AOPEP: variants seen among roughly 807,000 people sequenced by gnomAD.
The protein encoded by AOPEP is aminopeptidase O.
AOPEP carries 77 observed loss-of-function variants against 98.1 expected under a neutral mutation model. The ratio of observed to expected loss-of-function variants is 0.78; its 90% CI spans 0.65 to 0.95. The LOEUF is 0.95. AOPEP is among the 40% of genes least tolerant of loss of function. The pLI is 0.00. For synonymous variants in AOPEP, 346 were observed against 365.3 expected, an observed-to-expected ratio of 0.95 and a Z score of 0.60; for missense variants, 1,024 against 1,024.7, an observed-to-expected ratio of 1.00 and a Z score of 0.01.
At chr9:95,075,268 T>C (rs981924072) in intron 14 of AOPEP, among the ~76,000 whole-genome samples, 3 of 152,188 alleles carry the variant, frequency 2.0e-5, no homozygotes, top group African/African-American at 7.2e-5. Context: ...ATATTGACAA[T>C]AGAAATATAA....
chr9:95,104,189 C>T, the AOPEP span, among the ~76,000 whole-genome samples: 1 of 152,184 alleles, frequency 6.6e-6, no homozygotes, highest in Non-Finnish European at 1.5e-5. Flanking sequence ...AGAGGCCCTC[C>T]CTGCCACGCG....
At chr9:95,122,791 G>A in the AOPEP span, among the ~76,000 whole-genome samples, 3,445 of 152,296 alleles carry the variant, frequency 0.023, 141 homozygotes, top group African/African-American at 0.079. Context: ...GGCCACAGGT[G>A]AGACTCCCCA....
At chr9:94,909,493 C>T (rs1479390827) in intron 5 of AOPEP, among the ~76,000 whole-genome samples, 1 of 151,630 alleles carries the variant, frequency 6.6e-6, no homozygotes, top group Non-Finnish European at 1.5e-5. Context: ...TGTTATTTTC[C>T]TCTCACATGA....
At chr9:95,143,718 G>A in the AOPEP span, among the ~76,000 whole-genome samples, 1 of 152,046 alleles carries the variant, frequency 6.6e-6, no homozygotes, top group Non-Finnish European at 1.5e-5. Context: ...CAGTGGATTC[G>A]GATGACCTCA....
the AOPEP span, among the ~76,000 whole-genome samples, chr9:95,119,578 A>C: frequency 2.6e-5 from 4 of 151,948 alleles, no homozygotes; most frequent in African/African-American, 9.7e-5. Flanking sequence ...GTTGGCCAGG[A>C]TGGTCTTGAT....
At chr9:94,800,398 T>G (rs1404258447) in intron 4 of AOPEP, among the ~76,000 whole-genome samples, 1 of 152,208 alleles carries the variant, frequency 6.6e-6, no homozygotes, top group African/African-American at 2.4e-5. Context: ...GTTCATATGG[T>G]GATACTTGAA....
intron 5 of AOPEP, among the ~76,000 whole-genome samples, chr9:94,889,642 C>T (rs541438327): frequency 2.2e-4 from 34 of 152,100 alleles, no homozygotes; most frequent in Admixed American, 4.6e-4. Flanking sequence ...TGTGAGCCAC[C>T]GCACCTGGTC....
rs539758680 is a variant in AOPEP, at chr9:94,832,409, A to G, written c.1364+31407A>G. On this transcript the variant is annotated intron_variant, in intron 5 of 16. Coordinates refer to ENST00000375315, the MANE Select transcript of AOPEP (RefSeq NM_001193329.3). ...AGGTTGGCAGACATCCAAGAGTTTGACAACGTACTCTCTTGGAGTTGCAGG... is the reference window on the plus strand; with the variant it reads ...AGGTTGGCAGACATCCAAGAGTTTGGCAACGTACTCTCTTGGAGTTGCAGG... Among the ~76,000 whole-genome samples the G allele has an allele frequency of 9.6e-4, 147 of 152,350 alleles. 1 individual carries two copies. The South Asian group carries it at 0.03, about 31-fold the overall frequency.
At chr9:94,853,967 G>T (rs751527816) in intron 5 of AOPEP, among the ~76,000 whole-genome samples, 2 of 152,142 alleles carry the variant, frequency 1.3e-5, no homozygotes, top group African/African-American at 4.8e-5. Context: ...TAGCACATGC[G>T]CAGCACTTAT....
At chr9:95,014,643 A>C (rs902039823) in intron 13 of AOPEP, among the ~76,000 whole-genome samples, 2 of 152,084 alleles carry the variant, frequency 1.3e-5, no homozygotes, top group South Asian at 2.1e-4. Flanking sequence ...CTCTGCATCT[A>C]CTCATGGAGG....
At chr9:94,821,660 C>T (rs890944758) in intron 5 of AOPEP, among the ~76,000 whole-genome samples, 1 of 152,132 alleles carries the variant, frequency 6.6e-6, no homozygotes, top group South Asian at 2.1e-4. Context: ...CATCCGTATG[C>T]CCCTGACATG....
At chr9:94,736,466 T>A (rs934009125) in intron 1 of AOPEP, among the ~76,000 whole-genome samples, 3 of 152,224 alleles carry the variant, frequency 2.0e-5, no homozygotes, top group Admixed American at 6.5e-5. Context: ...TTTTCTTTTC[T>A]TTTCCAATCT....
chr9:94,907,742 G>A (rs533873879), intron 5 of AOPEP, among the ~76,000 whole-genome samples: 10 of 152,204 alleles, frequency 6.6e-5, no homozygotes, highest in African/African-American at 2.4e-4. Flanking sequence ...AGAATTCGAG[G>A]CATGTCCCTC....
At chr9:95,120,904 T>A in the AOPEP span, among the ~76,000 whole-genome samples, 2 of 152,186 alleles carry the variant, frequency 1.3e-5, no homozygotes, top group Admixed American at 6.5e-5. Flanking sequence ...CTTACACTTC[T>A]ATTTTTTGGC....
intron 13 of AOPEP, among the ~76,000 whole-genome samples, chr9:95,036,121 C>T (rs1232427017): frequency 6.6e-6 from 1 of 152,100 alleles, no homozygotes. Flanking sequence ...AATTTTTGTC[C>T]TGTTTAAAGG....
At chr9:94,787,612 T>C (rs892742635) in intron 3 of AOPEP, among the ~76,000 whole-genome samples, 1 of 152,236 alleles carries the variant, frequency 6.6e-6, no homozygotes, top group African/African-American at 2.4e-5. Flanking sequence ...CTGCTCCTTA[T>C]CTCTAAATTG....
At chr9:94,996,391 T>TGAGA (rs1554797226) in intron 11 of AOPEP, among the ~76,000 whole-genome samples, 20 of 144,656 alleles carry the variant, frequency 1.4e-4, no homozygotes, top group South Asian at 7.0e-4. Context: ...TGTGTGTGTG[T>TGAGA]GAGAGAGAGA....
At chr9:95,124,479 T>C in the AOPEP span, among the ~76,000 whole-genome samples, 96 of 152,314 alleles carry the variant, frequency 6.3e-4, no homozygotes, top group Non-Finnish European at 1.2e-3. Flanking sequence ...GAGCACAATC[T>C]TCTGCAGGGT....
At chr9:95,096,838 C>T in the AOPEP span, among the ~76,000 whole-genome samples, 6 of 152,346 alleles carry the variant, frequency 3.9e-5, no homozygotes, top group South Asian at 6.2e-4. Flanking sequence ...TGTTCATGAA[C>T]GTTTACTGTC....
Sources: gnomAD v4.1 joint callset for allele counts (sites outside exome capture counted in the v4.1 genomes callset) on GRCh38, gnomAD v4.1.1 for gene constraint, MANE v1.5 for transcripts, NCBI Gene and HGNC (gene_info 2026-07-23, HGNC 2026-07-21) for gene names.